Variants in GAB2 observed in about 807,000 individuals in gnomAD.
GAB2 encodes the protein GRB2 associated binding protein 2.
GAB2 carries 26 observed loss-of-function variants against 65.5 expected under a neutral mutation model. The ratio of observed to expected loss-of-function variants is 0.40; its 90% CI spans 0.29 to 0.55. The LOEUF (loss-of-function observed/expected upper bound fraction) is 0.55. Among genes scored for constraint, GAB2 ranks in the 20% least tolerant of loss-of-function variants. GAB2 has a pLI of 0.53. For missense variants in GAB2, 884 were observed against 875.8 expected (o/e 1.01, Z -0.12); for synonymous variants, 321 against 329.6 (o/e 0.97, Z 0.28).
At chr11:78,224,988 G>T in intron 5 of GAB2, 120 bp downstream of exon 5, 1 of 661,958 alleles carries the variant, frequency 1.5e-6, no homozygotes, top group African/African-American at 1.8e-5. Flanking sequence ...ACAAGAACTT[G>T]GGCAGGGTCC....
intron 5 of GAB2, among the ~76,000 whole-genome samples, chr11:78,224,623 AG>A (rs1864567771): frequency 6.6e-6 from 1 of 152,202 alleles, no homozygotes; most frequent in Admixed American, 6.5e-5. Context: ...GCCTGAAGCC[AG>A]GCCCTGGTCT....
chr11:78,279,024 G>C (rs1866255474), intron 2 of GAB2, among the ~76,000 whole-genome samples: 1 of 151,334 alleles, frequency 6.6e-6, no homozygotes, highest in Non-Finnish European at 1.5e-5. Context: ...CTCTCCATCA[G>C]GAATAAAATA....
intron 1 of GAB2, among the ~76,000 whole-genome samples, chr11:78,291,282 C>G (rs1866661053): frequency 8.2e-6 from 1 of 121,738 alleles, no homozygotes; most frequent in East Asian, 2.4e-4. Context: ...GAAACCGTCT[C>G]TACTAAAACG....
At chr11:78,251,708 G>A (rs1319381974) in intron 2 of GAB2, among the ~76,000 whole-genome samples, 1 of 152,010 alleles carries the variant, frequency 6.6e-6, no homozygotes, top group Non-Finnish European at 1.5e-5. Context: ...ACCCTACACA[G>A]ATATCATATT....
intron 2 of GAB2, among the ~76,000 whole-genome samples, chr11:78,261,172 TG>T (rs1284400520): frequency 1.4e-4 from 22 of 152,066 alleles, no homozygotes; most frequent in African/African-American, 4.6e-4. Context: ...AGTCCCAGAC[TG>T]GGGGGCTGGG....
At chr11:78,285,942 AG>A (rs1866468670) in intron 1 of GAB2, among the ~76,000 whole-genome samples, 2 of 152,172 alleles carry the variant, frequency 1.3e-5, no homozygotes, top group Admixed American at 1.3e-4. Flanking sequence ...AACAATCATG[AG>A]TGTTTTTGTA....
chr11:78,244,857 C>T (rs1244786101), intron 3 of GAB2, among the ~76,000 whole-genome samples: 2 of 152,004 alleles, frequency 1.3e-5, no homozygotes, highest in African/African-American at 2.4e-5. Flanking sequence ...TTAGTACAGT[C>T]GTTATGGAAA....
In GAB2 at chr11:78,263,636, GAAA is replaced by G. The variant is rs61518720; in HGVS notation, c.377-13239_377-13237del. ...CGACAGAGTGAGACTCTGTCTGGGGGAAAAAAAAAAAAAAAAAATCAACAGTCT... is the reference window on the plus strand; with the variant it reads ...CGACAGAGTGAGACTCTGTCTGGGGGAAAAAAAAAAAAAAATCAACAGTCT... On this transcript the variant is annotated intron_variant, in intron 2 of 9. Transcript: ENST00000361507. Among the ~76,000 whole-genome samples the G allele has an allele frequency of 1.9e-3, 251 of 129,168 alleles. 1 individual carries two copies. The highest frequency in any genetic ancestry group is 6.4e-3 in the African/African-American group (224 of 35,274). The allele number at this position is 129,168 out of a possible 152,430, so 84.7% of individuals were successfully genotyped here.
rs139257683 is a variant in GAB2 at position 78,383,903 on chromosome 11, G to A, written c.75+33743C>T. On this transcript the variant is annotated intron_variant, in intron 1 of 9. Coordinates refer to ENST00000361507, the MANE Select transcript of GAB2 (RefSeq NM_080491.3). The stretch of plus-strand genomic sequence containing the variant: ...AAAATCTTGGAACTTTACTCGCCAG[G>A]CATTGCGGGCTTTCGTGACATTGCT... 9.1e-4 allele frequency among the ~76,000 whole-genome samples: 138 copies of A among 152,290 alleles called. 1 individual carries two copies. Among genetic ancestry groups the A allele is most frequent in the African/African-American group, 3.2e-3 (134 of 41,576 alleles).
At chr11:78,255,014 C>G (rs1865559250) in intron 2 of GAB2, among the ~76,000 whole-genome samples, 1 of 151,836 alleles carries the variant, frequency 6.6e-6, no homozygotes, top group South Asian at 2.1e-4. Flanking sequence ...AGAATGTGAC[C>G]TTACTTGAAA....
chr11:78,351,552 T>C (rs560504987), intron 1 of GAB2, among the ~76,000 whole-genome samples: 14 of 152,186 alleles, frequency 9.2e-5, no homozygotes, highest in Non-Finnish European at 1.0e-4. Flanking sequence ...AGGGGTGGTA[T>C]GAGCTTTCGT....
intron 1 of GAB2, among the ~76,000 whole-genome samples, chr11:78,314,386 G>A (rs1855559406): frequency 6.6e-6 from 1 of 152,206 alleles, no homozygotes; most frequent in African/African-American, 2.4e-5. Flanking sequence ...CAACCACTTA[G>A]GAAGTAGACG....
intron 1 of GAB2, among the ~76,000 whole-genome samples, chr11:78,343,905 G>A (rs1450162993): frequency 6.6e-6 from 1 of 151,884 alleles, no homozygotes; most frequent in Admixed American, 6.6e-5. Flanking sequence ...ATTCAAATAA[G>A]CCAGATTTCA....
At chr11:78,416,689 T>G (rs1857200569) in intron 1 of GAB2, among the ~76,000 whole-genome samples, 1 of 150,904 alleles carries the variant, frequency 6.6e-6, no homozygotes, top group South Asian at 2.1e-4. Flanking sequence ...CTCCCGCGAC[T>G]ACCCCAAGAC....
At chr11:78,220,544 C>T in intron 8 of GAB2, 100 bp from the exon 9 acceptor site, 1 of 989,526 alleles carries the variant, frequency 1.0e-6, no homozygotes, top group Non-Finnish European at 1.5e-6. Context: ...TTCCCTGAGC[C>T]CTACTCTGAC....
intron 1 of GAB2, among the ~76,000 whole-genome samples, chr11:78,323,794 T>C (rs373805190): frequency 1.8e-3 from 226 of 125,112 alleles, no homozygotes; most frequent in African/African-American, 7.8e-3. Flanking sequence ...ATCTTTCTTT[T>C]TTTTTTTTTT....
chr11:78,221,858 C>T (rs1590938203), intron 7 of GAB2, 79 bp from the exon 8 acceptor site: 1 of 911,122 alleles, frequency 1.1e-6, no homozygotes, highest in Non-Finnish European at 1.8e-6. Flanking sequence ...TGGGCCCTGA[C>T]CCTCACACAC....
At chr11:78,409,926 C>G (rs982278954) in intron 1 of GAB2, among the ~76,000 whole-genome samples, 4 of 152,122 alleles carry the variant, frequency 2.6e-5, no homozygotes, top group African/African-American at 9.7e-5. Context: ...AGAACTTACT[C>G]TACTCCCACA....
At chr11:78,330,166 C>T (rs972640408) in intron 1 of GAB2, among the ~76,000 whole-genome samples, 8 of 152,144 alleles carry the variant, frequency 5.3e-5, no homozygotes, top group African/African-American at 1.7e-4. Flanking sequence ...TTAAATGGAT[C>T]ACCAGTGGTG....
Sources: gnomAD v4.1 joint callset for allele counts (sites outside exome capture counted in the v4.1 genomes callset) on GRCh38, gnomAD v4.1.1 for gene constraint, MANE v1.5 for transcripts, NCBI Gene and HGNC (gene_info 2026-07-23, HGNC 2026-07-21) for gene names.